DGKG: variants seen among roughly 807,000 people sequenced by gnomAD.
The protein encoded by DGKG is diacylglycerol kinase gamma, also known as DAG kinase gamma.
In DGKG, 78 loss-of-function variants were observed where a neutral mutation model predicts 105.3. The observed-to-expected ratio is 0.74, with a 90% confidence interval of 0.62 to 0.89. DGKG has a LOEUF of 0.89. DGKG is among the 40% of genes least tolerant of loss of function. The pLI, the probability that DGKG is intolerant of heterozygous loss-of-function variation, is 0.00. For synonymous variants in DGKG, 346 were observed against 367.1 expected (o/e 0.94, Z 0.66); for missense variants, 958 against 1,020.1 (o/e 0.94, Z 0.83).
chr3:186,193,156 C>T (rs1717987225), intron 21 of DGKG, among the ~76,000 whole-genome samples: 1 of 152,142 alleles, frequency 6.6e-6, no homozygotes, highest in Non-Finnish European at 1.5e-5. Context: ...CTGATGTCCT[C>T]CCTCCCTCTT....
At chr3:186,165,349 A>C (rs1254732706) in intron 22 of DGKG, among the ~76,000 whole-genome samples, 1 of 152,258 alleles carries the variant, frequency 6.6e-6, no homozygotes, top group Non-Finnish European at 1.5e-5. Context: ...ACCCCTATGC[A>C]GCTAAAGACA....
chr3:186,275,058 T>C (rs942413565), intron 10 of DGKG, among the ~76,000 whole-genome samples: 1 of 152,188 alleles, frequency 6.6e-6, no homozygotes, highest in Non-Finnish European at 1.5e-5. Context: ...TTAGTATTTT[T>C]AGTAGGGACA....
chr3:186,190,717 A>G (rs942665499), intron 21 of DGKG, among the ~76,000 whole-genome samples: 2 of 152,220 alleles, frequency 1.3e-5, no homozygotes, highest in African/African-American at 4.8e-5. Context: ...AATTAATTTC[A>G]TCTGGCTCTC....
At chr3:186,327,341 CCTCCTCCTT>C (rs1725389769) in intron 1 of DGKG, among the ~76,000 whole-genome samples, 1 of 150,638 alleles carries the variant, frequency 6.6e-6, no homozygotes, top group African/African-American at 2.4e-5. Context: ...TTCCCCCTTT[CCTCCTCCTT>C]CTCCTCCTCC....
chr3:186,189,547 T>C (rs1717806088), intron 21 of DGKG, among the ~76,000 whole-genome samples: 1 of 152,168 alleles, frequency 6.6e-6, no homozygotes, highest in Admixed American at 6.5e-5. Context: ...ACAAAGTACA[T>C]GGTCTTTATG....
chr3:186,306,185 A>T (rs530167226), intron 3 of DGKG, among the ~76,000 whole-genome samples: 21 of 152,278 alleles, frequency 1.4e-4, no homozygotes, highest in African/African-American at 4.8e-4. Context: ...GGAAAAAGAG[A>T]ATTTGGAGGC....
intron 1 of DGKG, among the ~76,000 whole-genome samples, chr3:186,348,974 A>T (rs955794895): frequency 1.3e-5 from 2 of 151,582 alleles, no homozygotes; most frequent in African/African-American, 4.8e-5. Context: ...ATGTCAGGAA[A>T]TTTTTTTTTA....
At position 186,320,484 on chromosome 3, in the gene DGKG, A is replaced by G. The variant is rs374516616; in HGVS notation, c.-25T>C. The G allele has an allele frequency of 1.7e-5, 27 of 1,614,020 alleles. No homozygotes were observed. The African/African-American group carries it at 3.5e-4, about 21-fold the overall frequency. On this transcript the variant is annotated 5_prime_UTR_variant, in exon 2 of 25. Coordinates refer to ENST00000265022, the MANE Select transcript of DGKG (RefSeq NM_001346.3). ...TTTTTAAACTTTATGTGAGTGGCTA[A>G]AGGGCAGTGATGGAGTTTTGTTCAC...
chr3:186,343,096 G>A (rs999057319), intron 1 of DGKG, among the ~76,000 whole-genome samples: 1 of 152,144 alleles, frequency 6.6e-6, no homozygotes, highest in Non-Finnish European at 1.5e-5. Flanking sequence ...AAAGTTGGAG[G>A]AATTCTGGGA....
intron 1 of DGKG, among the ~76,000 whole-genome samples, chr3:186,347,231 G>C (rs933249548): frequency 6.6e-6 from 1 of 151,848 alleles, no homozygotes; most frequent in Non-Finnish European, 1.5e-5. Flanking sequence ...GGCGGATCAC[G>C]AGGTCAGGAG....
At chr3:186,197,123 C>T (rs1363461965) in intron 21 of DGKG, among the ~76,000 whole-genome samples, 1 of 152,096 alleles carries the variant, frequency 6.6e-6, no homozygotes, top group Non-Finnish European at 1.5e-5. Flanking sequence ...AGGGTCCTTC[C>T]TTTCTCAGCG....
intron 21 of DGKG, among the ~76,000 whole-genome samples, chr3:186,188,825 A>T (rs530929596): frequency 1.9e-3 from 296 of 152,016 alleles, no homozygotes; most frequent in South Asian, 2.9e-3. Flanking sequence ...ATATATATAT[A>T]TTTTTTTGAG....
rs993684665 is a variant in DGKG at position 186,203,249 on chromosome 3, A to G, written c.1917+8546T>C. Reference sequence around the variant, plus strand: ...AGATGGGGATGATGGAGCTGCATTTAAAAATGAATAAAGATTTAATAAGCC... The same window carrying G: ...AGATGGGGATGATGGAGCTGCATTTGAAAATGAATAAAGATTTAATAAGCC... On this transcript the variant is annotated intron_variant, in intron 21 of 24. Coordinates refer to ENST00000265022, the MANE Select transcript of DGKG (RefSeq NM_001346.3). The surrounding 1 kb of genome is among the most constrained non-coding windows in gnomAD (Gnocchi z 4.9). Among the ~76,000 whole-genome samples the G allele has an allele frequency of 1.3e-5, 2 of 152,220 alleles. No homozygotes were observed. Among genetic ancestry groups the G allele is most frequent in the Admixed American group, 1.3e-4 (2 of 15,286 alleles).
At chr3:186,200,642 A>G (rs1351535351) in intron 21 of DGKG, among the ~76,000 whole-genome samples, 1 of 152,092 alleles carries the variant, frequency 6.6e-6, no homozygotes, top group Non-Finnish European at 1.5e-5. Flanking sequence ...GCTGTGCTGA[A>G]AGAGTGCCAT....
At chr3:186,152,188 T>C (rs1457722547) in intron 24 of DGKG, among the ~76,000 whole-genome samples, 2 of 152,206 alleles carry the variant, frequency 1.3e-5, no homozygotes, top group Non-Finnish European at 2.9e-5. Context: ...AAAATGATCC[T>C]TATGTTGGCT....
chr3:186,294,685 C>T (rs753410375), intron 5 of DGKG, among the ~76,000 whole-genome samples: 2 of 152,088 alleles, frequency 1.3e-5, no homozygotes, highest in African/African-American at 2.4e-5. Flanking sequence ...CCTGAATATG[C>T]CTCCTCTAGT....
chr3:186,357,591 A>G (rs2108680626), intron 1 of DGKG, among the ~76,000 whole-genome samples: 1 of 152,314 alleles, frequency 6.6e-6, no homozygotes, highest in African/African-American at 2.4e-5. Context: ...TGTGAATATC[A>G]GGTGAAGCTA....
At chr3:186,272,461 G>A (rs959123667) in intron 10 of DGKG, 118 bp from the exon 11 acceptor site, 2 of 709,532 alleles carry the variant, frequency 2.8e-6, no homozygotes, top group Admixed American at 2.3e-5. Flanking sequence ...GAGGGGCAGG[G>A]GACACATGGG....
rs770365361 is a variant in DGKG, at chr3:186,267,936, G to A, written c.1117-159C>T. Among the ~76,000 whole-genome samples the A allele has an allele frequency of 3.3e-5, 5 of 151,670 alleles. No homozygotes were observed. In the South Asian group the frequency reaches 6.3e-4, roughly 19 times the overall value. ...TATTGCCGTGTGTGTGTGTGTGCACGTGTGTGTGTGTGGTTAAGGGTGCAA... is the reference window on the plus strand; with the variant it reads ...TATTGCCGTGTGTGTGTGTGTGCACATGTGTGTGTGTGGTTAAGGGTGCAA... On this transcript the variant is annotated intron_variant, in intron 12 of 24. Coordinates refer to ENST00000265022, the MANE Select transcript of DGKG (RefSeq NM_001346.3).
Sources: allele counts gnomAD v4.1 joint callset (sites outside exome capture counted in the v4.1 genomes callset), GRCh38; gene constraint gnomAD v4.1.1; non-coding constraint Gnocchi (gnomAD v3.1); transcripts MANE v1.5; gene names NCBI Gene and HGNC (gene_info 2026-07-23, HGNC 2026-07-21).